Variants in TTC39B observed in about 807,000 individuals in gnomAD.
The protein encoded by TTC39B is tetratricopeptide repeat domain 39B.
TTC39B carries 92 observed loss-of-function variants against 96.6 expected under a neutral mutation model. The ratio of observed to expected loss-of-function variants is 0.95; its 90% CI spans 0.80 to 1.13. The LOEUF (loss-of-function observed/expected upper bound fraction) is 1.13, where lower values mean the gene tolerates loss of function less well. TTC39B is among the 50% of genes most tolerant of loss of function. The probability of loss-of-function intolerance (pLI) is 0.00; values close to 1 mark genes in which losing one functional copy is unlikely to be tolerated. For missense variants in TTC39B, 955 were observed against 809.3 expected (o/e 1.18, Z -2.18); for synonymous variants, 367 against 299.4 (o/e 1.23, Z -2.33).
chr9:15,261,243 CA>C (rs1383070238), intron 2 of TTC39B, among the ~76,000 whole-genome samples: 1 of 152,058 alleles, frequency 6.6e-6, no homozygotes. Context: ...CTATGGGAGG[CA>C]AAGGTGGGAG....
At chr9:15,202,332 G>A (rs1406003143) in intron 7 of TTC39B, among the ~76,000 whole-genome samples, 1 of 152,138 alleles carries the variant, frequency 6.6e-6, no homozygotes, top group Non-Finnish European at 1.5e-5. Flanking sequence ...ACAGGGTCAT[G>A]GGCTACAGTG....
At chr9:15,242,136 T>C (rs183683561) in intron 2 of TTC39B, among the ~76,000 whole-genome samples, 72 of 152,308 alleles carry the variant, frequency 4.7e-4, no homozygotes, top group African/African-American at 1.7e-3. Context: ...TAGTACAGTG[T>C]CTTGCAGGTA....
intron 8 of TTC39B, among the ~76,000 whole-genome samples, chr9:15,195,071 G>C (rs1347907946): frequency 6.6e-6 from 1 of 152,244 alleles, no homozygotes; most frequent in Non-Finnish European, 1.5e-5. Flanking sequence ...TAGGCCTCTT[G>C]TGCCAAACAG....
Position 15,204,008 on chromosome 9 carries a change from T to C in TTC39B, c.692-118A>G, listed in dbSNP as rs368206015. ...CCAAGAGAGACCCCAAAACTTAGAT[T>C]GCCCTTGTGCTTCCACAAAAGTGGA... On this transcript the variant is annotated intron_variant, in intron 6 of 19. Coordinates refer to ENST00000512701, the Ensembl canonical transcript of TTC39B. 2.0e-4 allele frequency: 158 copies of C among 793,386 alleles called. No homozygotes were observed. The African/African-American group carries it at 2.7e-3, about 13-fold the overall frequency. The allele number at this position is 793,386 out of a possible 1,614,324, so 49.1% of individuals were successfully genotyped here.
At chr9:15,181,858 G>A (rs1311227904) in intron 17 of TTC39B, among the ~76,000 whole-genome samples, 1 of 152,108 alleles carries the variant, frequency 6.6e-6, no homozygotes, top group Admixed American at 6.5e-5. Flanking sequence ...TTCACCCACT[G>A]AGAGTAACCA....
chr9:15,184,820 T>C (rs1436593795), intron 16 of TTC39B, among the ~76,000 whole-genome samples: 1 of 152,252 alleles, frequency 6.6e-6, no homozygotes, highest in Non-Finnish European at 1.5e-5. Flanking sequence ...ATTAATTACA[T>C]GTTGAAATGA....
intron 1 of TTC39B, among the ~76,000 whole-genome samples, chr9:15,303,957 T>G (rs1824679780): frequency 6.6e-6 from 1 of 152,204 alleles, no homozygotes; most frequent in Non-Finnish European, 1.5e-5. Flanking sequence ...ATTTTTAACT[T>G]AATTAGCTGC....
At chr9:15,268,118 T>A (rs1823205978) in intron 1 of TTC39B, among the ~76,000 whole-genome samples, 170 bp from the exon 2 acceptor site, 1 of 152,074 alleles carries the variant, frequency 6.6e-6, no homozygotes, top group South Asian at 2.1e-4. Flanking sequence ...TTTACAGAAA[T>A]CAAGCAGATG....
At chr9:15,269,323 AG>A (rs1019100424) in intron 1 of TTC39B, among the ~76,000 whole-genome samples, 1 of 152,228 alleles carries the variant, frequency 6.6e-6, no homozygotes, top group African/African-American at 2.4e-5. Context: ...AAAAAACACC[AG>A]GGCTTCGCAC....
chr9:15,175,486 G>T (rs1313325299), intron 18 of TTC39B, among the ~76,000 whole-genome samples: 1 of 151,974 alleles, frequency 6.6e-6, no homozygotes, highest in Non-Finnish European at 1.5e-5. Flanking sequence ...TAAGAAAGTT[G>T]TATTATTTTT....
chr9:15,247,183 T>A (rs1822317148), intron 2 of TTC39B, among the ~76,000 whole-genome samples: 1 of 152,190 alleles, frequency 6.6e-6, no homozygotes, highest in Non-Finnish European at 1.5e-5. Flanking sequence ...GTAGCTTGGA[T>A]ATACGAAGAT....
At chr9:15,234,454 G>A (rs1406370811) in intron 2 of TTC39B, among the ~76,000 whole-genome samples, 1 of 151,094 alleles carries the variant, frequency 6.6e-6, no homozygotes, top group Non-Finnish European at 1.5e-5. Flanking sequence ...GGGAGGTGAG[G>A]GGCGCCTCTG....
chr9:15,194,045 G>A (rs1215825304), intron 8 of TTC39B, among the ~76,000 whole-genome samples: 8 of 152,088 alleles, frequency 5.3e-5, no homozygotes, highest in Non-Finnish European at 7.4e-5. Context: ...GAGTAAATAT[G>A]AATACTGTAT....
intron 3 of TTC39B, among the ~76,000 whole-genome samples, chr9:15,220,699 G>A (rs1443713724): frequency 6.6e-6 from 1 of 151,854 alleles, no homozygotes; most frequent in Non-Finnish European, 1.5e-5. Flanking sequence ...ATAATTTCAG[G>A]CTTCCAAAAA....
In TTC39B at chr9:15,199,942, T is replaced by TA; in HGVS notation, c.760-18dup. 1 of 1,487,598 alleles carries TA rather than the reference T, an allele frequency of 6.7e-7. No individual in the cohort carries two copies. Among genetic ancestry groups the TA allele is most frequent in the Non-Finnish European group, 9.2e-7 (1 of 1,081,580 alleles). 92.1% of individuals were successfully genotyped at this position (1,487,598 alleles called of 1,614,324 possible). On this transcript the variant is annotated splice_polypyrimidine_tract_variant and intron_variant, in intron 7 of 19. Coordinates refer to ENST00000512701, the Ensembl canonical transcript of TTC39B. ...ATTTTCATCCTGAAAATAATTCAGT[T>TA]AAAAAATTAGATTATTTAGCAAAAA...
intron 2 of TTC39B, among the ~76,000 whole-genome samples, chr9:15,245,780 C>T (rs1357376529): frequency 6.6e-6 from 1 of 152,214 alleles, no homozygotes; most frequent in East Asian, 1.9e-4. Context: ...ATCCATACCA[C>T]TTGGTCACTA....
exon 20 of TTC39B, chr9:15,165,726 C>T (rs997816626): frequency 3.9e-5 from 6 of 152,096 alleles, no homozygotes; most frequent in Non-Finnish European, 5.9e-5. Flanking sequence ...CATCAAATCT[C>T]GTGAGAACTC....
chr9:15,281,946 G>A (rs983607962), intron 1 of TTC39B, among the ~76,000 whole-genome samples: 1 of 152,054 alleles, frequency 6.6e-6, no homozygotes, highest in Non-Finnish European at 1.5e-5. Context: ...CCAAAGTGTT[G>A]AGATTACAGG....
At chr9:15,301,488 C>T (rs749523728) in intron 1 of TTC39B, among the ~76,000 whole-genome samples, 5 of 152,206 alleles carry the variant, frequency 3.3e-5, no homozygotes, top group Admixed American at 6.5e-5. Context: ...GGAGCAGTGG[C>T]TCACGCCTAT....
Sources: gnomAD v4.1 joint callset for allele counts (sites outside exome capture counted in the v4.1 genomes callset) on GRCh38, gnomAD v4.1.1 for gene constraint, MANE v1.5 for transcripts, NCBI Gene and HGNC (gene_info 2026-07-23, HGNC 2026-07-21) for gene names.